The following PLCB1 variants were observed in gnomAD, a reference collection of about 807,000 sequenced individuals.
The protein encoded by PLCB1 is 1-phosphatidylinositol 4,5-bisphosphate phosphodiesterase beta-1.
In PLCB1, 46 loss-of-function variants were observed where a neutral mutation model predicts 161.8. The observed-to-expected ratio is 0.28, with a 90% CI of 0.22 to 0.36. The LOEUF is 0.36. PLCB1 is among the 10% of genes least tolerant of loss of function. The pLI is 1.00. For missense variants in PLCB1, 1,016 were observed against 1,472.5 expected (o/e 0.69, Z 5.07); for synonymous variants, 517 against 503.7 (o/e 1.03, Z -0.35).
intron 2 of PLCB1, among the ~76,000 whole-genome samples, chr20:8,272,131 G>A (rs1456873332): frequency 2.0e-5 from 3 of 152,046 alleles, no homozygotes; most frequent in Admixed American, 6.6e-5. Context: ...TTAGATATGG[G>A]TGGAGGGAAA....
At chr20:8,524,012 G>T (rs1429563481) in intron 3 of PLCB1, among the ~76,000 whole-genome samples, 1 of 152,008 alleles carries the variant, frequency 6.6e-6, no homozygotes, top group Non-Finnish European at 1.5e-5. Context: ...ATACCAAAAA[G>T]CTTCCAACAA....
chr20:8,692,670 C>T (rs1347650568), intron 10 of PLCB1, among the ~76,000 whole-genome samples: 1 of 152,140 alleles, frequency 6.6e-6, no homozygotes, highest in East Asian at 1.9e-4. Context: ...TCATTAATAT[C>T]ATGGAAGACC....
At chr20:8,837,090 A>T (rs1288941828) in intron 31 of PLCB1, among the ~76,000 whole-genome samples, 13 of 151,978 alleles carry the variant, frequency 8.6e-5, no homozygotes, top group African/African-American at 2.9e-4. Context: ...CTAAATTATG[A>T]TGAGGGTTCT....
At chr20:8,563,539 C>T (rs1185700696) in intron 3 of PLCB1, among the ~76,000 whole-genome samples, 1 of 151,878 alleles carries the variant, frequency 6.6e-6, no homozygotes, top group African/African-American at 2.4e-5. Context: ...GAAAGTAGGT[C>T]TGAAAACAGA....
At chr20:8,528,505 A>C (rs1426761954) in intron 3 of PLCB1, among the ~76,000 whole-genome samples, 1 of 152,080 alleles carries the variant, frequency 6.6e-6, no homozygotes, top group East Asian at 1.9e-4. Context: ...GTGGTGACAG[A>C]TATTAGAACA....
chr20:8,218,325 C>T (rs1979235424), intron 2 of PLCB1, among the ~76,000 whole-genome samples: 1 of 152,080 alleles, frequency 6.6e-6, no homozygotes, highest in Admixed American at 6.6e-5. Context: ...GCTCAGAGTT[C>T]AGATAGGTCA....
intron 2 of PLCB1, among the ~76,000 whole-genome samples, chr20:8,351,801 C>G (rs1449664090): frequency 6.6e-6 from 1 of 152,002 alleles, no homozygotes; most frequent in African/African-American, 2.4e-5. Context: ...ATATACTACA[C>G]ACTATTAAAA....
Position 8,605,874 on chromosome 20 carries a change from C to T in PLCB1, c.247-22420C>T, listed in dbSNP as rs1014477048. 1.7e-4 allele frequency among the ~76,000 whole-genome samples: 23 copies of T among 134,146 alleles called. No homozygotes were observed. The East Asian group carries it at 4.8e-3, about 28-fold the overall frequency. The allele number at this position is 134,146 out of a possible 152,430, so 88.0% of individuals were successfully genotyped here. On this transcript the variant is annotated intron_variant, in intron 3 of 31. Transcript: ENST00000338037. Reference sequence around the variant, plus strand: ...ATGTGTACCCATGGTTTAGCTCTCGCTTGTAAGTGAGAACATGTGGTATAT... The same window carrying T: ...ATGTGTACCCATGGTTTAGCTCTCGTTTGTAAGTGAGAACATGTGGTATAT...
intron 5 of PLCB1, 77 bp downstream of exon 5, chr20:8,646,258 T>C (rs1989170568): frequency 1.0e-6 from 1 of 966,242 alleles, no homozygotes; most frequent in African/African-American, 1.6e-5. Flanking sequence ...GAGTCTTCCG[T>C]TTATGCCATA....
chr20:8,142,546 T>C (rs1006680812), intron 1 of PLCB1, among the ~76,000 whole-genome samples: 8 of 152,222 alleles, frequency 5.3e-5, no homozygotes, highest in Admixed American at 3.3e-4. Flanking sequence ...ATGCTTAATG[T>C]ATTTATTTCT....
chr20:8,881,829 G>T lies in PLCB1; in HGVS notation c.3631G>T (p.Glu1211Ter), dbSNP rs547899069. 43 of 1,613,118 alleles carry T rather than the reference G, an allele frequency of 2.7e-5. 1 individual carries two copies. The South Asian group carries it at 4.5e-4, about 17-fold the overall frequency. ...EELGGDIPGKEFDTPL is the reference protein window; with the variant it reads ...EELGGDIPGK ...GCTGGGAGGAGACATCCCAGGAAAA[G>T]AATTTGATACTCCTCTGTGAATGCT... The change falls in exon 32 of 32, where the codon GAA becomes TAA. Residue 1211 changes from glutamate (E) to a stop codon, truncating the protein, a stop_gained. Coordinates refer to ENST00000338037, the MANE Select transcript of PLCB1 (RefSeq NM_015192.4). LOFTEE classifies it high-confidence loss of function.
chr20:8,279,308 A>G (rs987626714), intron 2 of PLCB1, among the ~76,000 whole-genome samples: 2 of 152,228 alleles, frequency 1.3e-5, no homozygotes, highest in African/African-American at 4.8e-5. Context: ...AAAAGCCATG[A>G]AAGTCTGATA....
intron 3 of PLCB1, among the ~76,000 whole-genome samples, chr20:8,409,444 T>TTA (rs34324742): frequency 0.13 from 19,394 of 147,214 alleles, 1,502 homozygotes; most frequent in East Asian, 0.3. Context: ...GTATATTATT[T>TTA]TTATTATTAT....
chr20:8,229,524 A>C (rs535874200), intron 2 of PLCB1, among the ~76,000 whole-genome samples: 1 of 152,316 alleles, frequency 6.6e-6, no homozygotes, highest in South Asian at 2.1e-4. Flanking sequence ...ATTCATTAAA[A>C]ATTCAATTCC....
chr20:8,750,087 C>T (rs1176585262), intron 23 of PLCB1, among the ~76,000 whole-genome samples: 1 of 152,092 alleles, frequency 6.6e-6, no homozygotes, highest in Non-Finnish European at 1.5e-5. Context: ...AAAATTTATA[C>T]ATCTATGTGT....
chr20:8,702,836 C>A lies in PLCB1; in HGVS notation c.1167+5053C>A, dbSNP rs111865515. Among the ~76,000 whole-genome samples, 512 of 152,304 alleles carry A rather than the reference C, an allele frequency of 3.4e-3. 2 individuals carry two copies. Among genetic ancestry groups the A allele is most frequent in the Non-Finnish European group, 6.0e-3 (409 of 68,030 alleles). On this transcript the variant is annotated intron_variant, in intron 11 of 31. Transcript: ENST00000338037. ...ATCCTAACTGATCACGCACACCATACAAAATATTTCAAAGGCACAAAAGCA... is the reference window on the plus strand; with the variant it reads ...ATCCTAACTGATCACGCACACCATAAAAAATATTTCAAAGGCACAAAAGCA...
chr20:8,323,968 A>G (rs1985029658), intron 2 of PLCB1, among the ~76,000 whole-genome samples: 1 of 152,096 alleles, frequency 6.6e-6, no homozygotes, highest in South Asian at 2.1e-4. Flanking sequence ...ATACTTATCT[A>G]GAGGGAAGAG....
intron 2 of PLCB1, among the ~76,000 whole-genome samples, chr20:8,312,095 T>A (rs771088302): frequency 6.6e-6 from 1 of 152,118 alleles, no homozygotes; most frequent in Non-Finnish European, 1.5e-5. Flanking sequence ...TGGCCTGTGC[T>A]TTTAGAGCCA....
intron 31 of PLCB1, among the ~76,000 whole-genome samples, chr20:8,805,634 G>T (rs139038328): frequency 6.6e-6 from 1 of 152,168 alleles, no homozygotes; most frequent in Non-Finnish European, 1.5e-5. Flanking sequence ...CACATAACAT[G>T]TGTTATCTTC....
Sources: gnomAD v4.1 joint callset for allele counts (sites outside exome capture counted in the v4.1 genomes callset) on GRCh38, gnomAD v4.1.1 for gene constraint, MANE v1.5 for transcripts, NCBI Gene and HGNC (gene_info 2026-07-23, HGNC 2026-07-21) for gene names.